LOXHD1: variants seen among roughly 807,000 people sequenced by gnomAD.
The protein encoded by LOXHD1 is lipoxygenase homology PLAT domains 1.
LOXHD1 carries 205 observed loss-of-function variants against 248.2 expected under a neutral mutation model. That is an observed-to-expected ratio of 0.83 (90% CI 0.74 to 0.93). LOXHD1 has a LOEUF of 0.93. Among genes scored for constraint, LOXHD1 ranks in the 40% least tolerant of loss-of-function variants. The probability of loss-of-function intolerance (pLI) is 0.00; values close to 1 mark genes in which losing one functional copy is unlikely to be tolerated. For synonymous variants in LOXHD1, 1,113 were observed against 1,162.8 expected (o/e 0.96, Z 0.87); for missense variants, 2,930 against 2,971.6 (o/e 0.99, Z 0.33).
chr18:46,550,340 G>A (rs1388890874), intron 21 of LOXHD1, among the ~76,000 whole-genome samples: 1 of 151,892 alleles, frequency 6.6e-6, no homozygotes, highest in African/African-American at 2.4e-5. Context: ...TTGGGAGGCC[G>A]AGGCGGGTGG....
chr18:46,561,088 A>T (rs1332307086), intron 18 of LOXHD1, among the ~76,000 whole-genome samples: 1 of 152,148 alleles, frequency 6.6e-6, no homozygotes, highest in Non-Finnish European at 1.5e-5. Flanking sequence ...CTCTTTTTCA[A>T]TAACAAAAAT....
rs1211953771 is a variant in LOXHD1 at position 46,505,989 on chromosome 18, G to A, written c.5727C>T (p.Ile1909=). Residue 1909 remains isoleucine, a synonymous_variant, in exon 37 of 41, where the codon ATC becomes ATT. Transcript: ENST00000642948. ...AGTDANVFII[I]FGENGDSGTL... is the part of the protein sequence containing the mutation. ...TCCCACTATCCCCGTTCTCCCCGAAGATGATGATGAACACGTTGGCATCAG... is the reference window on the plus strand; with the variant it reads ...TCCCACTATCCCCGTTCTCCCCGAAAATGATGATGAACACGTTGGCATCAG... 3.2e-6 allele frequency: 5 copies of A among 1,552,290 alleles called. No homozygotes were observed. The highest frequency in any genetic ancestry group is 4.4e-6 in the Non-Finnish European group (5 of 1,147,120).
chr18:46,588,148 A>C (rs1051780978), intron 12 of LOXHD1, among the ~76,000 whole-genome samples: 2 of 152,088 alleles, frequency 1.3e-5, no homozygotes, highest in African/African-American at 4.8e-5. Context: ...GTTAGAAAAC[A>C]TTCCAACCAG....
intron 21 of LOXHD1, among the ~76,000 whole-genome samples, chr18:46,554,003 G>A (rs1023710075): frequency 1.3e-5 from 2 of 152,170 alleles, no homozygotes; most frequent in African/African-American, 2.4e-5. Flanking sequence ...GCAGACCTGC[G>A]GGCTGAGCTG....
intron 4 of LOXHD1, among the ~76,000 whole-genome samples, chr18:46,626,014 G>A (rs796765635): frequency 1.4e-4 from 21 of 152,276 alleles, no homozygotes; most frequent in African/African-American, 4.6e-4. Flanking sequence ...TTCCTGGAGG[G>A]CAGGTGAGTG....
intron 33 of LOXHD1, chr18:46,518,831 C>T: frequency 1.0e-6 from 1 of 967,996 alleles, no homozygotes; most frequent in East Asian, 1.1e-4. Context: ...ACAGCCTGCA[C>T]ATGCCCTGCA....
In LOXHD1 at chr18:46,521,424, T is replaced by C. The variant is rs2035574465; in HGVS notation, c.5086-142A>G. ...GGTCCCTCCCATGAAGGTGAAGAGA[T>C]TTTGCAGATATAATTACAGCCTCTA... On this transcript the variant is annotated intron_variant, in intron 32 of 40. Transcript: ENST00000642948. 15 of 920,164 alleles carry C rather than the reference T, an allele frequency of 1.6e-5. No homozygotes were observed. The South Asian group carries it at 2.2e-4, about 13-fold the overall frequency. The allele number at this position is 920,164 out of a possible 1,614,324, so 57.0% of individuals were successfully genotyped here. A position where few individuals can be genotyped will look rare whatever the true frequency, so the allele number is the denominator to read the frequency against.
rs2144417812 is a variant in LOXHD1 at position 46,656,897 on chromosome 18, C to A, written c.130+7G>T. Reference sequence around the variant, plus strand: ...CCACCCGCCCCCCGCAGGCTGGGACCCCGCACCTCTGGCCTTGTAGTACTC... The same window carrying A: ...CCACCCGCCCCCCGCAGGCTGGGACACCGCACCTCTGGCCTTGTAGTACTC... On this transcript the variant is annotated splice_region_variant and intron_variant, in intron 1 of 40. Transcript: ENST00000642948. The A allele has an allele frequency of 6.4e-7, 1 of 1,551,314 alleles. No individual in the cohort carries two copies. Among genetic ancestry groups the A allele is most frequent in the South Asian group, 1.2e-5 (1 of 84,052 alleles).
chr18:46,562,935 T>C (rs1469516362), intron 18 of LOXHD1, 130 bp downstream of exon 18: 1 of 1,131,196 alleles, frequency 8.8e-7, no homozygotes, highest in East Asian at 2.7e-5. Flanking sequence ...GAGGAAGCAT[T>C]TTCCACCCAA....
rs2144150952 is a variant in LOXHD1, at chr18:46,580,285, A to T, written c.1655-501T>A. The stretch of plus-strand genomic sequence containing the variant: ...TCCATCCCAGTAAACCTTTTGCCTT[A>T]GGTTGTTCTCCAACTTCTATGTGTT... On this transcript the variant is annotated intron_variant, in intron 12 of 40. Coordinates refer to ENST00000642948, the MANE Select transcript of LOXHD1 (RefSeq NM_001384474.1). Among the ~76,000 whole-genome samples the T allele has an allele frequency of 2.0e-5, 3 of 152,350 alleles. No individual in the cohort carries two copies. In the Middle Eastern group the frequency reaches 0.01, roughly 518 times the overall value.
At chr18:46,607,318 C>G (rs1020075852) in intron 6 of LOXHD1, among the ~76,000 whole-genome samples, 40 of 149,686 alleles carry the variant, frequency 2.7e-4, no homozygotes, top group Admixed American at 2.5e-3. Flanking sequence ...TATATATATA[C>G]ACATATATGT....
chr18:46,621,831 T>A (rs1384822035), intron 4 of LOXHD1, among the ~76,000 whole-genome samples: 1 of 152,010 alleles, frequency 6.6e-6, no homozygotes, highest in Non-Finnish European at 1.5e-5. Flanking sequence ...AGCCAAAAGG[T>A]CACCTTTCAT....
chr18:46,517,346 T>A (rs2144072509), intron 34 of LOXHD1, among the ~76,000 whole-genome samples: 1 of 152,200 alleles, frequency 6.6e-6, no homozygotes, highest in East Asian at 1.9e-4. Flanking sequence ...GCCATCTGGG[T>A]ATAGTTTGCA....
At chr18:46,596,897 T>G (rs2038265213) in intron 8 of LOXHD1, among the ~76,000 whole-genome samples, 2 of 152,140 alleles carry the variant, frequency 1.3e-5, no homozygotes, top group Admixed American at 1.3e-4. Flanking sequence ...ATTTTTCAAA[T>G]GAACAAAATC....
intron 4 of LOXHD1, among the ~76,000 whole-genome samples, chr18:46,634,323 T>G (rs2038864993): frequency 2.0e-5 from 3 of 152,222 alleles, no homozygotes; most frequent in Admixed American, 2.0e-4. Flanking sequence ...ATGAGCTAGA[T>G]GCAAAAGGAC....
At chr18:46,552,413 T>C (rs1041402473) in intron 21 of LOXHD1, among the ~76,000 whole-genome samples, 1 of 152,204 alleles carries the variant, frequency 6.6e-6, no homozygotes, top group African/African-American at 2.4e-5. Context: ...TTTTGGCAAT[T>C]GAATTGCAGA....
intron 16 of LOXHD1, among the ~76,000 whole-genome samples, chr18:46,566,779 T>C (rs1200533740): frequency 6.6e-6 from 1 of 152,234 alleles, no homozygotes; most frequent in Non-Finnish European, 1.5e-5. Flanking sequence ...GTCATGGCCA[T>C]GTGAGAAAGC....
intron 3 of LOXHD1, among the ~76,000 whole-genome samples, chr18:46,640,460 T>C (rs79555816): frequency 1.3e-5 from 2 of 152,300 alleles, no homozygotes; most frequent in East Asian, 3.9e-4. Context: ...GGTGGTCCCA[T>C]AGACATAACA....
chr18:46,563,250 T>C, intron 17 of LOXHD1, 25 bp from the exon 18 acceptor site: 1 of 1,472,080 alleles, frequency 6.8e-7, no homozygotes, highest in Non-Finnish European at 9.1e-7. Flanking sequence ...GCAGAAGAAG[T>C]GGAACATTTA....
Sources: gnomAD v4.1 joint callset for allele counts (sites outside exome capture counted in the v4.1 genomes callset) on GRCh38, gnomAD v4.1.1 for gene constraint, MANE v1.5 for transcripts, NCBI Gene and HGNC (gene_info 2026-07-23, HGNC 2026-07-21) for gene names.